ARID2: variants seen among roughly 807,000 people sequenced by gnomAD.
The protein encoded by ARID2 is AT-rich interaction domain 2, also known as AT-rich interactive domain-containing protein 2.
ARID2 carries 32 observed loss-of-function variants against 184.6 expected under a neutral mutation model. The ratio of observed to expected loss-of-function variants is 0.17; its 90% CI spans 0.13 to 0.23. The LOEUF (loss-of-function observed/expected upper bound fraction) is 0.23. Ranked by LOEUF, ARID2 falls within the 10% of genes least tolerant of loss-of-function variation. The pLI is 1.00. For synonymous variants in ARID2, 836 were observed against 772.6 expected (o/e 1.08, Z -1.36); for missense variants, 1,696 against 2,197.6 (o/e 0.77, Z 4.56).
At position 45,730,096 on chromosome 12, in the gene ARID2, G is replaced by C. The variant is rs1039424180; in HGVS notation, c.145G>C (p.Gly49Arg). The C allele has an allele frequency of 2.5e-6, 4 of 1,613,714 alleles. No homozygotes were observed. The highest frequency in any genetic ancestry group is 3.3e-4 in the Middle Eastern group (2 of 6,016). ...GGGTGGGAAGGAGCTGGATCTTCAC[G>C]GTCTCTACACCAGAGTCACTACTTT... Reference protein sequence around the residue: ...AVGGKELDLHGLYTRVTTLGG... With the variant: ...AVGGKELDLHRLYTRVTTLGG... Residue 49 changes from glycine to arginine, a missense_variant, in exon 2 of 21, where the codon GGT becomes CGT. This residue lies in a region of ARID2 where 148 missense variants were observed against 285.4 expected (regional missense o/e 0.52). Coordinates refer to ENST00000334344, the MANE Select transcript of ARID2 (RefSeq NM_152641.4).
chr12:45,904,689 CA>C (rs755707280), intron 20 of ARID2, among the ~76,000 whole-genome samples: 5,488 of 35,646 alleles, frequency 0.15, 159 homozygotes, highest in African/African-American at 0.35. Flanking sequence ...GACTCCTTCT[CA>C]AAAAAAAAAA....
chr12:45,778,747 T>TA (rs1942034207), intron 3 of ARID2, among the ~76,000 whole-genome samples: 1 of 152,036 alleles, frequency 6.6e-6, no homozygotes, highest in Non-Finnish European at 1.5e-5. Context: ...TATAATATTT[T>TA]ATGTATTAAT....
At chr12:45,847,936 A>T (rs1405536553) in intron 12 of ARID2, among the ~76,000 whole-genome samples, 3 of 152,022 alleles carry the variant, frequency 2.0e-5, no homozygotes, top group Admixed American at 2.0e-4. Flanking sequence ...TGAAGTTTTT[A>T]TATCTAGTCT....
chr12:45,867,020 G>A (rs949654092), intron 16 of ARID2, among the ~76,000 whole-genome samples: 2 of 151,836 alleles, frequency 1.3e-5, no homozygotes, highest in East Asian at 1.9e-4. Flanking sequence ...GGGTGATCTC[G>A]GCTCACTGCA....
At chr12:45,818,212 A>G (rs966216329) in intron 5 of ARID2, among the ~76,000 whole-genome samples, 1 of 152,174 alleles carries the variant, frequency 6.6e-6, no homozygotes, top group East Asian at 1.9e-4. Context: ...TCTGAAGTCT[A>G]TTACTGCTAA....
intron 3 of ARID2, among the ~76,000 whole-genome samples, chr12:45,757,372 C>A (rs977480430): frequency 1.3e-5 from 2 of 152,208 alleles, no homozygotes. Flanking sequence ...CCCATCTCTT[C>A]CCACTCCTGA....
chr12:45,826,850 C>T (rs1943011743), intron 6 of ARID2, among the ~76,000 whole-genome samples: 1 of 152,024 alleles, frequency 6.6e-6, no homozygotes, highest in South Asian at 2.1e-4. Flanking sequence ...TCTATCGAGT[C>T]TTTTCTATGC....
chr12:45,847,038 T>C, intron 12 of ARID2, 101 bp downstream of exon 12: 1 of 1,051,382 alleles, frequency 9.5e-7, no homozygotes, highest in Non-Finnish European at 1.4e-6. Context: ...TTGTTCTGTA[T>C]TCCTTTTTAG....
chr12:45,739,993 A>G (rs1456725582), intron 3 of ARID2, among the ~76,000 whole-genome samples: 1 of 152,210 alleles, frequency 6.6e-6, no homozygotes, highest in African/African-American at 2.4e-5. Context: ...TTGAGCTCAG[A>G]TCAGACCACA....
chr12:45,767,019 G>A (rs7299778), intron 3 of ARID2, among the ~76,000 whole-genome samples: 1 of 152,048 alleles, frequency 6.6e-6, no homozygotes, highest in African/African-American at 2.4e-5. Flanking sequence ...ATTCTCACCA[G>A]CAATGTTTGA....
At position 45,896,497 on chromosome 12, in the gene ARID2, C is replaced by T. The variant is rs907657649; in HGVS notation, c.5363+2776C>T. Among the ~76,000 whole-genome samples, 6 of 152,124 alleles carry T rather than the reference C, an allele frequency of 3.9e-5. No homozygotes were observed. In the South Asian group the frequency reaches 6.2e-4, roughly 16 times the overall value. ...TATTGTGAATAAGTCTCACGAGATC[C>T]GATGGTTTTAAAAAAGGGAGTGTGC... On this transcript the variant is annotated intron_variant, in intron 20 of 20. Transcript: ENST00000334344.
chr12:45,901,154 A>ATTTTTTTTTTTTTTTTTTTTT (rs71067909), intron 20 of ARID2, among the ~76,000 whole-genome samples: 1 of 44,970 alleles, frequency 2.2e-5, no homozygotes, highest in African/African-American at 1.4e-4. Flanking sequence ...AATTTCCTTA[A>ATTTTTTTTTTTTTTTTTTTTT]TTTTTTTTTT....
At chr12:45,805,036 A>AGGC (rs1942575612) in intron 3 of ARID2, among the ~76,000 whole-genome samples, 1 of 151,962 alleles carries the variant, frequency 6.6e-6, no homozygotes. Flanking sequence ...GCCATATAGT[A>AGGC]TTTTATTGCC....
intron 3 of ARID2, among the ~76,000 whole-genome samples, chr12:45,772,822 T>G (rs1439014009): frequency 6.6e-6 from 1 of 152,186 alleles, no homozygotes; most frequent in Non-Finnish European, 1.5e-5. Context: ...TTAATACCCC[T>G]CTTTCATTAA....
chr12:45,876,873 A>G (rs1592136777), intron 16 of ARID2, among the ~76,000 whole-genome samples: 1 of 151,890 alleles, frequency 6.6e-6, no homozygotes, highest in East Asian at 1.9e-4. Flanking sequence ...GCGGATCACA[A>G]GTTCAGGAGA....
chr12:45,742,250 TATA>T (rs1354836907), intron 3 of ARID2, among the ~76,000 whole-genome samples: 2 of 152,236 alleles, frequency 1.3e-5, no homozygotes, highest in Non-Finnish European at 2.9e-5. Context: ...TTCATAAGAA[TATA>T]ATATTTTTAC....
chr12:45,796,179 C>A (rs1942388971), intron 3 of ARID2, among the ~76,000 whole-genome samples: 1 of 151,744 alleles, frequency 6.6e-6, no homozygotes. Flanking sequence ...TGATAAAATT[C>A]AAAAATTTTT....
At chr12:45,842,312 C>T (rs1473511190) in intron 11 of ARID2, 4 of 142,292 alleles carry the variant, frequency 2.8e-5, no homozygotes, top group Non-Finnish European at 4.8e-5. Context: ...TATATACACA[C>T]ATGTATATGT....
intron 3 of ARID2, among the ~76,000 whole-genome samples, chr12:45,757,511 T>G (rs981569726): frequency 3.3e-5 from 5 of 152,208 alleles, no homozygotes. Context: ...ATGTTTAACT[T>G]ACTGAGACAG....
Sources: allele counts gnomAD v4.1 joint callset (sites outside exome capture counted in the v4.1 genomes callset), GRCh38; gene constraint gnomAD v4.1.1; regional missense constraint gnomAD v4.1.1; transcripts MANE v1.5; gene names NCBI Gene and HGNC (gene_info 2026-07-23, HGNC 2026-07-21).